Variants in LOXL1 observed in about 807,000 individuals in gnomAD.
LOXL1 encodes lysyl oxidase like 1.
Under a neutral mutation model 62.2 loss-of-function variants are expected in LOXL1, and 31 were observed. The ratio of observed to expected loss-of-function variants is 0.50; its 90% CI spans 0.37 to 0.67. The LOEUF is 0.67. Among genes scored for constraint, LOXL1 ranks in the 30% least tolerant of loss-of-function variants. The pLI is 0.00. For missense variants in LOXL1, 775 were observed against 843.4 expected (o/e 0.92, Z 1.00); for synonymous variants, 403 against 384.4 (o/e 1.05, Z -0.56).
chr15:73,927,671 G>A lies in LOXL1; in HGVS notation c.888G>A (p.Glu296=), dbSNP rs1237396440. ...AGGCCTACCCTGACCCCGGTCCCGAGGCGGCGCAGGCCCATGGCGGAGACC... is the reference window on the plus strand; with the variant it reads ...AGGCCTACCCTGACCCCGGTCCCGAAGCGGCGCAGGCCCATGGCGGAGACC... The part of the protein sequence containing the change: ...FEQAYPDPGP[E]AAQAHGGDPR... The change falls in exon 1 of 7, where the codon GAG becomes GAA. Residue 296 remains glutamate (E), a synonymous_variant. Transcript: ENST00000261921. The A allele has an allele frequency of 2.7e-6, 4 of 1,485,998 alleles. No homozygotes were observed. The African/African-American group carries it at 4.4e-5, about 16-fold the overall frequency. 92.1% of individuals were successfully genotyped at this position (1,485,998 alleles called of 1,614,324 possible). A position where few individuals can be genotyped will look rare whatever the true frequency, so the allele number is the denominator to read the frequency against.
In LOXL1 at chr15:73,927,644, G is replaced by A. The variant is rs1157490913; in HGVS notation, c.861G>A (p.Glu287=). 2 of 1,488,532 alleles carry A rather than the reference G, an allele frequency of 1.3e-6. No homozygotes were observed. Among genetic ancestry groups the A allele is most frequent in the African/African-American group, 2.9e-5 (2 of 68,542 alleles). 92.2% of individuals were successfully genotyped at this position (1,488,532 alleles called of 1,614,324 possible). The part of the protein sequence containing the change: ...SLYSEGTPGF[E]QAYPDPGPEA... ...ACAGCGAGGGCACCCCCGGCTTCGA[G>A]CAGGCCTACCCTGACCCCGGTCCCG... Residue 287 remains glutamate, a synonymous_variant, in exon 1 of 7, where the codon GAG becomes GAA. Transcript: ENST00000261921.
rs149339568 is a variant in LOXL1 at position 73,945,982 on chromosome 15, C to T, written c.1212-435C>T. Reference sequence around the variant, plus strand: ...TGGGCCTCAAGTGATCCTCCTGCCTCGACCTCCAAAAAGCTCTGTAATTAC... The same window carrying T: ...TGGGCCTCAAGTGATCCTCCTGCCTTGACCTCCAAAAAGCTCTGTAATTAC... On this transcript the variant is annotated intron_variant, in intron 2 of 6. Transcript: ENST00000261921. This position sits in a 1 kb window ranked among gnomAD's most constrained non-coding sequence, Gnocchi z 4.3. 2.3e-3 allele frequency among the ~76,000 whole-genome samples: 354 copies of T among 152,304 alleles called. No individual in the cohort carries two copies. The highest frequency in any genetic ancestry group is 8.1e-3 in the African/African-American group (335 of 41,554).
At chr15:73,931,231 G>A (rs752599998) in intron 1 of LOXL1, among the ~76,000 whole-genome samples, 1 of 151,970 alleles carries the variant, frequency 6.6e-6, no homozygotes, top group Non-Finnish European at 1.5e-5. Flanking sequence ...AGGGCATCTT[G>A]GATGGCTGTG....
intron 1 of LOXL1, 85 bp from the exon 2 acceptor site, chr15:73,942,769 C>T: frequency 1.2e-6 from 1 of 831,340 alleles, no homozygotes; most frequent in Non-Finnish European, 2.1e-6. Flanking sequence ...GTGAGGAGGT[C>T]TCTGGGCATT....
rs201884374 is a variant in LOXL1, at chr15:73,927,141, G to A, written c.358G>A (p.Gly120Ser). 762 of 1,458,804 alleles carry A rather than the reference G, an allele frequency of 5.2e-4. No individual in the cohort carries two copies. The highest frequency in any genetic ancestry group is 6.6e-4 in the Non-Finnish European group (730 of 1,100,826). 90.4% of individuals were successfully genotyped at this position (1,458,804 alleles called of 1,614,324 possible). ...GCGCGGCCAGGCGCGGCACCCATTC[G>A]GCTTTGGCCAGGTGCCCGACAACTG... ...TVRGQARHPFGFGQVPDNWRE... is the reference protein window; with the variant it reads ...TVRGQARHPFSFGQVPDNWRE... Residue 120 changes from glycine to serine, a missense_variant, in exon 1 of 7, where the codon GGC (glycine) becomes AGC (serine). Physicochemically the swap from Gly to Ser is moderately conservative, Grantham distance 56. Coordinates refer to ENST00000261921, the MANE Select transcript of LOXL1 (RefSeq NM_005576.4).
intron 1 of LOXL1, among the ~76,000 whole-genome samples, chr15:73,928,833 GT>G (rs1226219179): frequency 1.3e-5 from 2 of 148,646 alleles, no homozygotes; most frequent in African/African-American, 2.5e-5. Context: ...CCGTTACTGA[GT>G]TTTTTTGGCA....
intron 1 of LOXL1, among the ~76,000 whole-genome samples, chr15:73,941,601 A>C (rs2068713936): frequency 6.6e-6 from 1 of 152,142 alleles, no homozygotes; most frequent in South Asian, 2.1e-4. Flanking sequence ...CTTCAAAGAA[A>C]CTAAGAGGAG....
In LOXL1 at chr15:73,927,632, C is replaced by G; in HGVS notation, c.849C>G (p.Thr283=). The change falls in exon 1 of 7, where the codon ACC becomes ACG. Residue 283 remains threonine, a synonymous_variant. Coordinates refer to ENST00000261921, the MANE Select transcript of LOXL1 (RefSeq NM_005576.4). ...CGCACAGTCTGTACAGCGAGGGCAC[C>G]CCCGGCTTCGAGCAGGCCTACCCTG... ...RYSHSLYSEG[T]PGFEQAYPDP... 1.3e-6 allele frequency: 2 copies of G among 1,488,658 alleles called. No homozygotes were observed. Among genetic ancestry groups the G allele is most frequent in the Non-Finnish European group, 1.8e-6 (2 of 1,125,894 alleles). 92.2% of individuals were successfully genotyped at this position (1,488,658 alleles called of 1,614,324 possible). A position where few individuals can be genotyped will look rare whatever the true frequency, so the allele number is the denominator to read the frequency against.
Position 73,947,049 on chromosome 15 carries a change from TCTCTC to T in LOXL1, c.1350-13_1350-9del, listed in dbSNP as rs2068752417. On this transcript the variant is annotated splice_polypyrimidine_tract_variant and intron_variant, in intron 3 of 6. Coordinates refer to ENST00000261921, the MANE Select transcript of LOXL1 (RefSeq NM_005576.4). ...AAGACTAGGCCCTCTTCTTTCTCCT[TCTCTC>T]CTCTGCCCCTAGGCATTACCACAGC... The T allele has an allele frequency of 6.4e-7, 1 of 1,574,494 alleles. No individual in the cohort carries two copies. Among genetic ancestry groups the T allele is most frequent in the Non-Finnish European group, 8.7e-7 (1 of 1,153,910 alleles).
In LOXL1 at chr15:73,927,876, A is replaced by T; in HGVS notation, c.1093A>T (p.Asn365Tyr). 7.6e-7 allele frequency: 1 copy of T among 1,320,696 alleles called. No homozygotes were observed. Among genetic ancestry groups the T allele is most frequent in the Non-Finnish European group, 9.6e-7 (1 of 1,041,940 alleles). 81.8% of individuals were successfully genotyped at this position (1,320,696 alleles called of 1,614,324 possible). The change falls in exon 1 of 7, where the codon AAC becomes TAC. Residue 365 changes from asparagine to tyrosine, a missense_variant. Coordinates refer to ENST00000261921, the MANE Select transcript of LOXL1 (RefSeq NM_005576.4). ...SVGSVYRPNQNGRGLPDLVPD... is the reference protein window; with the variant it reads ...SVGSVYRPNQYGRGLPDLVPD... The stretch of plus-strand genomic sequence containing the variant: ...GGGCAGCGTGTACCGGCCCAACCAG[A>T]ACGGCCGCGGTGAGTACGGCCCCGG...
At position 73,926,771 on chromosome 15, in the gene LOXL1, C is replaced by A; in HGVS notation, c.-13C>A. On this transcript the variant is annotated 5_prime_UTR_variant, in exon 1 of 7. Coordinates refer to ENST00000261921, the MANE Select transcript of LOXL1 (RefSeq NM_005576.4). ...AGCCTCTCTGTCCACCAGGCCTCTG[C>A]AGAGGGGTCACCATGGCTCTGGCCC... 7.1e-7 allele frequency: 1 copy of A among 1,406,812 alleles called. No individual in the cohort carries two copies. 87.1% of individuals were successfully genotyped at this position (1,406,812 alleles called of 1,614,324 possible).
At position 73,927,356 on chromosome 15, in the gene LOXL1, C is replaced by A; in HGVS notation, c.573C>A (p.Tyr191Ter). The A allele has an allele frequency of 1.3e-6, 2 of 1,590,586 alleles. No homozygotes were observed. The highest frequency in any genetic ancestry group is 1.7e-4 in the Middle Eastern group (1 of 6,006). Reference sequence around the variant, plus strand: ...CCTTCGTCAGCCAGTACGAGAACTACGACCCCGCGTCGCGGACCTACGACC... The same window carrying A: ...CCTTCGTCAGCCAGTACGAGAACTAAGACCCCGCGTCGCGGACCTACGACC... The part of the protein sequence containing the change: ...QAPFVSQYEN[Y>*]DPASRTYDQG... Residue 191 changes from tyrosine (Y) to a stop codon, truncating the protein, a stop_gained, in exon 1 of 7, where the codon TAC (tyrosine) becomes TAA (stop). Transcript: ENST00000261921. LOFTEE classifies it high-confidence loss of function.
chr15:73,928,808 A>C (rs2068613422), intron 1 of LOXL1, among the ~76,000 whole-genome samples: 1 of 151,760 alleles, frequency 6.6e-6, no homozygotes. Flanking sequence ...CTATTGTGTT[A>C]AATATTACTT....
intron 2 of LOXL1, among the ~76,000 whole-genome samples, chr15:73,943,295 A>C (rs1273585473): frequency 6.6e-6 from 1 of 152,226 alleles, no homozygotes; most frequent in Non-Finnish European, 1.5e-5. Context: ...AAGGAACTCA[A>C]ACCTTTTGGA....
rs1433342462 is a variant in LOXL1, at chr15:73,946,397, C to T, written c.1212-20C>T. 9 of 1,427,184 alleles carry T rather than the reference C, an allele frequency of 6.3e-6. No homozygotes were observed. The highest frequency in any genetic ancestry group is 1.2e-5 in the South Asian group (1 of 85,732). The allele number at this position is 1,427,184 out of a possible 1,614,324, so 88.4% of individuals were successfully genotyped here. A position where few individuals can be genotyped will look rare whatever the true frequency, so the allele number is the denominator to read the frequency against. On this transcript the variant is annotated intron_variant, in intron 2 of 6. Transcript: ENST00000261921. ...TCACTGTGCCCCAACCCCCCCTCAT[C>T]TCCCCCGCCGTCCCTGCAGCACAGC...
chr15:73,950,791 C>T (rs2068779339), intron 6 of LOXL1, among the ~76,000 whole-genome samples: 2 of 152,260 alleles, frequency 1.3e-5, no homozygotes, highest in Non-Finnish European at 2.9e-5. Flanking sequence ...AGCCCTCTCA[C>T]ACTTGGTTGC....
At chr15:73,932,234 G>A (rs933108515) in intron 1 of LOXL1, among the ~76,000 whole-genome samples, 2 of 152,120 alleles carry the variant, frequency 1.3e-5, no homozygotes, top group South Asian at 2.1e-4. Flanking sequence ...TGCTGAGTGC[G>A]TTATACATCA....
rs781462205 is a variant in LOXL1, at chr15:73,942,972, T to C, written c.1211+10T>C. 3.7e-6 allele frequency: 6 copies of C among 1,603,360 alleles called. No individual in the cohort carries two copies. The Admixed American group carries it at 1.0e-4, about 27-fold the overall frequency. ...AGAAGTGTCTGGCCAGGTAAGGAGC[T>C]GAGGCAGAAGTGTAGAGTGTTGGGA... On this transcript the variant is annotated intron_variant, in intron 2 of 6. Transcript: ENST00000261921.
intron 5 of LOXL1, 34 bp downstream of exon 5, chr15:73,947,936 C>T: frequency 6.6e-7 from 1 of 1,508,626 alleles, no homozygotes; most frequent in Non-Finnish European, 9.2e-7. Context: ...TCCCTCCAAC[C>T]TGATGTTCAT....
Sources: allele counts gnomAD v4.1 joint callset (sites outside exome capture counted in the v4.1 genomes callset), GRCh38; gene constraint gnomAD v4.1.1; non-coding constraint Gnocchi (gnomAD v3.1); transcripts MANE v1.5; gene names NCBI Gene and HGNC (gene_info 2026-07-23, HGNC 2026-07-21).